The following CCDC192 variants were observed in gnomAD, a reference collection of about 807,000 sequenced individuals.
CCDC192 encodes the protein coiled-coil domain containing 192.
intron 3 of CCDC192, among the ~76,000 whole-genome samples, chr5:127,795,035 G>T (rs1259975771): frequency 6.6e-6 from 1 of 152,106 alleles, no homozygotes; most frequent in Non-Finnish European, 1.5e-5. Flanking sequence ...GCTTACACCT[G>T]TAACCCCAGC....
intron 5 of CCDC192, among the ~76,000 whole-genome samples, chr5:127,850,253 C>G (rs1210191161): frequency 1.3e-5 from 2 of 152,178 alleles, no homozygotes; most frequent in Non-Finnish European, 2.9e-5. Flanking sequence ...TAAAATTCAG[C>G]TACATTCTGC....
intron 2 of CCDC192, among the ~76,000 whole-genome samples, chr5:127,724,678 G>A (rs967832004): frequency 7.2e-5 from 11 of 151,906 alleles, no homozygotes; most frequent in Admixed American, 1.3e-4. Flanking sequence ...GGGAAACCCC[G>A]TCTCTGCTGA....
intron 6 of CCDC192, among the ~76,000 whole-genome samples, chr5:127,894,980 AT>A (rs532843608): frequency 1.4e-4 from 21 of 150,912 alleles, no homozygotes; most frequent in East Asian, 5.8e-4. Context: ...TCTGGGCTGA[AT>A]TTTTTTTTTC....
At chr5:127,850,650 G>A (rs1175269322) in intron 5 of CCDC192, among the ~76,000 whole-genome samples, 1 of 152,070 alleles carries the variant, frequency 6.6e-6, no homozygotes, top group Non-Finnish European at 1.5e-5. Flanking sequence ...ATTCCTTGGG[G>A]CACTAGCAAA....
intron 2 of CCDC192, among the ~76,000 whole-genome samples, chr5:127,751,414 C>A (rs906551943): frequency 2.0e-5 from 3 of 152,058 alleles, no homozygotes; most frequent in Non-Finnish European, 4.4e-5. Flanking sequence ...GTTGAAAATT[C>A]TTTTCTTTAA....
At chr5:127,933,100 G>T (rs1439588404) in intron 6 of CCDC192, among the ~76,000 whole-genome samples, 1 of 152,188 alleles carries the variant, frequency 6.6e-6, no homozygotes, top group East Asian at 1.9e-4. Flanking sequence ...AGTGAGAATT[G>T]TGGAAATGTA....
chr5:127,863,043 T>C lies in CCDC192; in HGVS notation c.412-12495T>C, dbSNP rs558171198. Among the ~76,000 whole-genome samples, 5 of 152,254 alleles carry C rather than the reference T, an allele frequency of 3.3e-5. No individual in the cohort carries two copies. The South Asian group carries it at 1.0e-3, about 32-fold the overall frequency. ...CAGAACCATATAATAAGATCTGAGA[T>C]GGCTTCAAAATGTCTTCCCACTTTA... On this transcript the variant is annotated intron_variant, in intron 5 of 6. Coordinates refer to ENST00000514853, the MANE Select transcript of CCDC192 (RefSeq NM_001317938.2).
chr5:127,845,586 A>G (rs1444508691), intron 5 of CCDC192, among the ~76,000 whole-genome samples: 1 of 152,218 alleles, frequency 6.6e-6, no homozygotes, highest in Non-Finnish European at 1.5e-5. Flanking sequence ...CAGTTTACTG[A>G]TTTATCTGAA....
intron 5 of CCDC192, among the ~76,000 whole-genome samples, chr5:127,832,373 A>T (rs1455483331): frequency 6.6e-6 from 1 of 152,192 alleles, no homozygotes; most frequent in East Asian, 1.9e-4. Flanking sequence ...TATCTGTGCA[A>T]TCCCACTTCT....
At chr5:127,760,120 A>C (rs1477083335) in intron 3 of CCDC192, among the ~76,000 whole-genome samples, 2 of 152,196 alleles carry the variant, frequency 1.3e-5, no homozygotes, top group African/African-American at 4.8e-5. Context: ...GAAAAATGGA[A>C]TTAAACAATA....
At chr5:127,843,653 G>T (rs532957931) in intron 5 of CCDC192, among the ~76,000 whole-genome samples, 109 of 152,100 alleles carry the variant, frequency 7.2e-4, no homozygotes, top group African/African-American at 2.5e-3. Flanking sequence ...GGCCGGGCTG[G>T]TCTCGAACTC....
intron 2 of CCDC192, among the ~76,000 whole-genome samples, chr5:127,725,823 C>A (rs566477359): frequency 6.6e-6 from 1 of 152,224 alleles, no homozygotes; most frequent in South Asian, 2.1e-4. Context: ...TTCAATGAAG[C>A]TAAAAACAAC....
chr5:127,752,983 T>C (rs1368223198), intron 2 of CCDC192, among the ~76,000 whole-genome samples: 1 of 152,126 alleles, frequency 6.6e-6, no homozygotes, highest in Non-Finnish European at 1.5e-5. Flanking sequence ...CGCGTCGGTG[T>C]GCGCACCCAC....
chr5:127,908,357 T>C (rs1753255724), intron 6 of CCDC192, among the ~76,000 whole-genome samples: 1 of 152,194 alleles, frequency 6.6e-6, no homozygotes, highest in African/African-American at 2.4e-5. Flanking sequence ...AGGTTCTTAC[T>C]CAGAACTAAA....
intron 5 of CCDC192, among the ~76,000 whole-genome samples, chr5:127,870,367 A>G (rs1299559673): frequency 6.6e-6 from 1 of 152,244 alleles, no homozygotes; most frequent in Non-Finnish European, 1.5e-5. Context: ...AAGCTGTCAC[A>G]TTGCCTTTCT....
chr5:127,866,169 G>GA (rs548971565), intron 5 of CCDC192, among the ~76,000 whole-genome samples: 5 of 151,604 alleles, frequency 3.3e-5, no homozygotes, highest in East Asian at 3.9e-4. Context: ...GTACCCCAAG[G>GA]AAAAAAAATC....
At chr5:127,703,678 C>T (rs375475617) in intron 1 of CCDC192, among the ~76,000 whole-genome samples, 171 bp downstream of exon 1, 3 of 152,174 alleles carry the variant, frequency 2.0e-5, no homozygotes, top group East Asian at 1.9e-4. Flanking sequence ...CTGCTGTCTT[C>T]CCAGATCACA....
chr5:127,812,308 G>A (rs1423915414), intron 5 of CCDC192, among the ~76,000 whole-genome samples: 1 of 152,180 alleles, frequency 6.6e-6, no homozygotes, highest in Non-Finnish European at 1.5e-5. Context: ...TGCTCTGAAT[G>A]TTCAGCATCG....
chr5:127,839,287 T>C (rs1320210718), intron 5 of CCDC192, among the ~76,000 whole-genome samples: 1 of 152,190 alleles, frequency 6.6e-6, no homozygotes, highest in Non-Finnish European at 1.5e-5. Context: ...TCACAGAACA[T>C]ATAATAGCAA....
Sources: gnomAD v4.1 joint callset for allele counts (sites outside exome capture counted in the v4.1 genomes callset) on GRCh38, gnomAD v4.1.1 for gene constraint, MANE v1.5 for transcripts, NCBI Gene and HGNC (gene_info 2026-07-23, HGNC 2026-07-21) for gene names.